NKAIN2: variants seen among roughly 807,000 people sequenced by gnomAD.
NKAIN2 encodes the protein sodium/potassium-transporting ATPase subunit beta-1-interacting protein 2.
Under a neutral mutation model 32.6 loss-of-function variants are expected in NKAIN2, and 14 were observed. The observed-to-expected ratio is 0.43, with a 90% CI of 0.28 to 0.67. The LOEUF (loss-of-function observed/expected upper bound fraction) is 0.67, where lower values mean the gene tolerates loss of function less well. NKAIN2 is among the 30% of genes least tolerant of loss of function. The pLI is 0.17. For missense variants in NKAIN2, 198 were observed against 258.3 expected, an observed-to-expected ratio of 0.77 and a Z score of 1.60; for synonymous variants, 80 against 87.2, an observed-to-expected ratio of 0.92 and a Z score of 0.46.
intron 4 of NKAIN2, among the ~76,000 whole-genome samples, chr6:124,783,120 C>A (rs1459078223): frequency 6.6e-6 from 1 of 152,090 alleles, no homozygotes; most frequent in Non-Finnish European, 1.5e-5. Flanking sequence ...GATATGTAAA[C>A]CCTGAGAGAG....
intron 1 of NKAIN2, among the ~76,000 whole-genome samples, chr6:123,922,557 C>T (rs1775803372): frequency 6.6e-6 from 1 of 152,018 alleles, no homozygotes; most frequent in Admixed American, 6.6e-5. Context: ...TAGCATTTCC[C>T]TGTATATAGA....
chr6:124,269,470 CT>C (rs1272956099), intron 1 of NKAIN2, among the ~76,000 whole-genome samples: 91 of 126,428 alleles, frequency 7.2e-4, no homozygotes, highest in Admixed American at 1.4e-3. Context: ...TTTTCTTTTT[CT>C]TTTTTTTTTT....
chr6:124,669,369 T>A (rs992439910), intron 4 of NKAIN2, among the ~76,000 whole-genome samples: 5 of 152,076 alleles, frequency 3.3e-5, no homozygotes, highest in Non-Finnish European at 7.4e-5. Flanking sequence ...TAAATTCTTG[T>A]AAGGAGACGC....
intron 3 of NKAIN2, among the ~76,000 whole-genome samples, chr6:124,456,873 A>G (rs1465574147): frequency 2.0e-5 from 3 of 151,602 alleles, no homozygotes. Context: ...TGTCTGCTGT[A>G]TTTTCATAAT....
chr6:124,078,543 A>G (rs894828790), intron 1 of NKAIN2, among the ~76,000 whole-genome samples: 1 of 152,206 alleles, frequency 6.6e-6, no homozygotes, highest in Non-Finnish European at 1.5e-5. Flanking sequence ...AGGGCAGAAC[A>G]GAATTTGAAT....
chr6:124,153,165 C>CA (rs993203337), intron 1 of NKAIN2, among the ~76,000 whole-genome samples: 1 of 151,590 alleles, frequency 6.6e-6, no homozygotes, highest in Non-Finnish European at 1.5e-5. Context: ...CACACAACAC[C>CA]AAAAAAGATA....
chr6:123,826,631 A>C (rs1446828536), intron 1 of NKAIN2, among the ~76,000 whole-genome samples: 1 of 152,068 alleles, frequency 6.6e-6, no homozygotes, highest in Non-Finnish European at 1.5e-5. Flanking sequence ...TTTGAGCCTG[A>C]CTTATTTCCC....
chr6:124,451,470 G>A (rs918538533), intron 3 of NKAIN2, among the ~76,000 whole-genome samples: 1 of 152,164 alleles, frequency 6.6e-6, no homozygotes, highest in Non-Finnish European at 1.5e-5. Flanking sequence ...GATTTCAAAG[G>A]AGTGGGAAGA....
intron 1 of NKAIN2, among the ~76,000 whole-genome samples, chr6:123,880,477 T>C (rs1562236169): frequency 6.6e-6 from 1 of 152,096 alleles, no homozygotes; most frequent in African/African-American, 2.4e-5. Flanking sequence ...ATGGGAGGCT[T>C]AAAAACATAG....
intron 4 of NKAIN2, among the ~76,000 whole-genome samples, chr6:124,767,699 C>T (rs1163600519): frequency 6.6e-6 from 1 of 152,110 alleles, no homozygotes; most frequent in Non-Finnish European, 1.5e-5. Context: ...CACTGTTGTT[C>T]TCTCCTTTCA....
chr6:124,549,360 T>A (rs1475191928), intron 3 of NKAIN2, among the ~76,000 whole-genome samples: 1 of 152,110 alleles, frequency 6.6e-6, no homozygotes, highest in African/African-American at 2.4e-5. Flanking sequence ...AGAGTGAGAC[T>A]CCATCTCAAA....
chr6:124,471,662 C>T (rs926660483), intron 3 of NKAIN2, among the ~76,000 whole-genome samples: 3 of 152,208 alleles, frequency 2.0e-5, no homozygotes, highest in South Asian at 2.1e-4. Context: ...ACTGACATGA[C>T]GTGGTTGGAG....
intron 1 of NKAIN2, among the ~76,000 whole-genome samples, chr6:124,081,314 C>A (rs1478021138): frequency 1.3e-5 from 2 of 151,894 alleles, no homozygotes; most frequent in African/African-American, 4.8e-5. Context: ...AGTAATGAGA[C>A]CAATTTTATT....
chr6:124,293,294 C>T (rs1795900767), intron 2 of NKAIN2, among the ~76,000 whole-genome samples: 1 of 151,770 alleles, frequency 6.6e-6, no homozygotes, highest in Non-Finnish European at 1.5e-5. Flanking sequence ...TAGACTATAC[C>T]TTATTTGTTT....
intron 1 of NKAIN2, among the ~76,000 whole-genome samples, chr6:124,054,875 C>T (rs1312920444): frequency 6.6e-6 from 1 of 152,028 alleles, no homozygotes; most frequent in East Asian, 1.9e-4. Context: ...GATTAATCAA[C>T]ACTTCCCAAA....
At chr6:124,671,920 AGTACAG>A (rs1478516627) in intron 4 of NKAIN2, among the ~76,000 whole-genome samples, 1 of 152,016 alleles carries the variant, frequency 6.6e-6, no homozygotes, top group East Asian at 1.9e-4. Context: ...GGTCATTCTA[AGTACAG>A]AATGGGGCAG....
chr6:124,388,856 G>A (rs1334387803), intron 3 of NKAIN2, among the ~76,000 whole-genome samples: 2 of 151,554 alleles, frequency 1.3e-5, no homozygotes, highest in African/African-American at 2.4e-5. Context: ...TGCTTTTTTT[G>A]TCAGTGATTT....
At chr6:124,233,469 T>A (rs139677437) in intron 1 of NKAIN2, among the ~76,000 whole-genome samples, 149 of 152,274 alleles carry the variant, frequency 9.8e-4, no homozygotes, top group African/African-American at 3.3e-3. Flanking sequence ...CAAAGCAAGA[T>A]AACTAAAATC....
At chr6:124,528,603 T>G (rs557896277) in intron 3 of NKAIN2, among the ~76,000 whole-genome samples, 2 of 152,342 alleles carry the variant, frequency 1.3e-5, no homozygotes, top group African/African-American at 4.8e-5. Flanking sequence ...GGTGTAGCAA[T>G]TTTCTTCAGA....
Sources: gnomAD v4.1 joint callset for allele counts (sites outside exome capture counted in the v4.1 genomes callset) on GRCh38, gnomAD v4.1.1 for gene constraint, MANE v1.5 for transcripts, NCBI Gene and HGNC (gene_info 2026-07-23, HGNC 2026-07-21) for gene names.